PNLDC1: variants seen among roughly 807,000 people sequenced by gnomAD.
The protein encoded by PNLDC1 is PARN like ribonuclease domain containing exonuclease 1.
In PNLDC1, 70 loss-of-function variants were observed where a neutral mutation model predicts 82.0. The observed-to-expected ratio is 0.85, with a 90% CI of 0.70 to 1.04. The LOEUF is 1.04. Among genes scored for constraint, PNLDC1 ranks in the 50% least tolerant of loss-of-function variants. The pLI, the probability that PNLDC1 is intolerant of heterozygous loss-of-function variation, is 0.00. For synonymous variants in PNLDC1, 280 were observed against 249.3 expected (o/e 1.12, Z -1.16); for missense variants, 631 against 661.1 (o/e 0.95, Z 0.50).
At position 159,804,014 on chromosome 6, in the gene PNLDC1, A is replaced by AT. The variant is rs748652819; in HGVS notation, c.302dup (p.Leu101PhefsTer23). ...CTATCTCTTCCCTACAACGTTTGGG[A>AT]TTTTGGACTCAGAATTCTCCTTCCA... On this transcript the variant is annotated frameshift_variant, in exon 5 of 19. Coordinates refer to ENST00000392167, the MANE Select transcript of PNLDC1 (RefSeq NM_001271862.2). LOFTEE classifies it high-confidence loss of function. 3.1e-6 allele frequency: 5 copies of AT among 1,613,564 alleles called. No homozygotes were observed. The Admixed American group carries it at 5.0e-5, about 16-fold the overall frequency.
chr6:159,802,873 G>A (rs945771306), intron 3 of PNLDC1, among the ~76,000 whole-genome samples: 25 of 151,968 alleles, frequency 1.6e-4, no homozygotes, highest in Admixed American at 7.2e-4. Flanking sequence ...ATAAGCCACC[G>A]CACCTGGCCT....
At chr6:159,816,922 C>G (rs572804983) in intron 14 of PNLDC1, among the ~76,000 whole-genome samples, 187 bp from the exon 15 acceptor site, 1 of 152,356 alleles carries the variant, frequency 6.6e-6, no homozygotes, top group South Asian at 2.1e-4. Context: ...GCCTCGGCCT[C>G]CCAAGGTGCT....
intron 11 of PNLDC1, 98 bp downstream of exon 11, chr6:159,811,884 T>G (rs200868595): frequency 6.8e-6 from 6 of 885,584 alleles, no homozygotes; most frequent in Non-Finnish European, 1.0e-5. Context: ...TTTTTTGTTT[T>G]TTTTGTTTTG....
chr6:159,819,933 G>C lies in PNLDC1; in HGVS notation c.1533-521G>C, dbSNP rs114202136. Among the ~76,000 whole-genome samples, 558 of 152,242 alleles carry C rather than the reference G, an allele frequency of 3.7e-3. No individual in the cohort carries two copies. The highest frequency in any genetic ancestry group is 0.013 in the African/African-American group (530 of 41,554). ...GGCTTCTCTCAGGAGAGAGGGAATC[G>C]CGGAAGTTACAGCAAGAAGGTCTAT... On this transcript the variant is annotated intron_variant, in intron 18 of 18. Coordinates refer to ENST00000392167, the MANE Select transcript of PNLDC1 (RefSeq NM_001271862.2). The surrounding 1 kb of genome is among the most constrained non-coding windows in gnomAD (Gnocchi z 4.6).
At chr6:159,805,494 G>GA (rs1293913368) in intron 6 of PNLDC1, 2 of 153,134 alleles carry the variant, frequency 1.3e-5, no homozygotes, top group East Asian at 3.8e-4. Flanking sequence ...TTTTGTAAGG[G>GA]AAAAACAAGT....
chr6:159,809,949 T>C, intron 9 of PNLDC1, 77 bp from the exon 10 acceptor site: 1 of 1,236,442 alleles, frequency 8.1e-7, no homozygotes, highest in Non-Finnish European at 1.2e-6. Flanking sequence ...ACTATATCTT[T>C]TGCAAGAAAC....
At chr6:159,808,516 A>G (rs1394134136) in intron 7 of PNLDC1, among the ~76,000 whole-genome samples, 5 of 142,808 alleles carry the variant, frequency 3.5e-5, no homozygotes, top group Admixed American at 3.0e-4. Context: ...CCAACTTAAG[A>G]GTGGCCCTGA....
chr6:159,810,006 T>C lies in PNLDC1; in HGVS notation c.784-20T>C, dbSNP rs1269622833. 11 of 1,601,114 alleles carry C rather than the reference T, an allele frequency of 6.9e-6. No individual in the cohort carries two copies. Among genetic ancestry groups the C allele is most frequent in the Non-Finnish European group, 9.4e-6 (11 of 1,168,384 alleles). Reference sequence around the variant, plus strand: ...TTACATTTTTTTATTTTCTCTCACCTGTTGATTTACTCCAAGTAGCCCTTA... The same window carrying C: ...TTACATTTTTTTATTTTCTCTCACCCGTTGATTTACTCCAAGTAGCCCTTA... On this transcript the variant is annotated intron_variant, in intron 9 of 18. Transcript: ENST00000392167.
chr6:159,807,748 A>C (rs1435299362), intron 7 of PNLDC1, among the ~76,000 whole-genome samples: 1 of 152,206 alleles, frequency 6.6e-6, no homozygotes, highest in Non-Finnish European at 1.5e-5. Flanking sequence ...GTAGCAGTAC[A>C]ATAAAACTCA....
Position 159,813,653 on chromosome 6 carries a change from A to G in PNLDC1, c.992A>G (p.Asn331Ser). Residue 331 changes from asparagine (N) to serine (S), a missense_variant, in exon 12 of 19, where the codon AAC becomes AGC. Coordinates refer to ENST00000392167, the MANE Select transcript of PNLDC1 (RefSeq NM_001271862.2). ...SNLSEVYEVL[N>S]SDLNPTKNSG... ...CTTTCGGAAGTCTATGAAGTCCTGA[A>G]CAGGTGAGGACGGCGATTCCTGGAG... 6.2e-7 allele frequency: 1 copy of G among 1,613,698 alleles called. No homozygotes were observed. Among genetic ancestry groups the G allele is most frequent in the Non-Finnish European group, 8.5e-7 (1 of 1,179,596 alleles).
chr6:159,808,747 G>A lies in PNLDC1; in HGVS notation c.570G>A (p.Gln190=). 6.2e-7 allele frequency: 1 copy of A among 1,613,682 alleles called. No homozygotes were observed. The highest frequency in any genetic ancestry group is 8.5e-7 in the Non-Finnish European group (1 of 1,179,854). ...TGTGTTTCCCTGCTGCAGGCTTCCA[G>A]GCCTTTGAGGTCCAACTGGTGCTGA... ...WMTLPGITGF[Q]AFEVQLVLRQ... is the part of the protein sequence containing the mutation. Residue 190 remains glutamine, a synonymous_variant, in exon 8 of 19, where the codon CAG becomes CAA. Coordinates refer to ENST00000392167, the MANE Select transcript of PNLDC1 (RefSeq NM_001271862.2).
intron 4 of PNLDC1, 21 bp downstream of exon 4, chr6:159,803,331 C>T (rs373092117): frequency 1.2e-6 from 2 of 1,608,944 alleles, no homozygotes. Context: ...AGAGCTTCTG[C>T]AAACATAGGT....
intron 9 of PNLDC1, among the ~76,000 whole-genome samples, chr6:159,809,780 A>G (rs1028984956): frequency 9.2e-5 from 14 of 152,196 alleles, no homozygotes; most frequent in Admixed American, 9.2e-4. Context: ...GCTTCACAGT[A>G]TAGGTTTCCA....
chr6:159,816,475 T>G (rs1583182622), intron 13 of PNLDC1, 68 bp from the exon 14 acceptor site: 339 of 1,416,716 alleles, frequency 2.4e-4, no homozygotes, highest in Non-Finnish European at 3.0e-4. Flanking sequence ...CTGTGGATGG[T>G]GAGCTAGGAT....
chr6:159,801,572 G>C (rs1348942308), intron 3 of PNLDC1, among the ~76,000 whole-genome samples: 1 of 152,050 alleles, frequency 6.6e-6, no homozygotes, highest in Non-Finnish European at 1.5e-5. Context: ...TCAGCCTCCT[G>C]AGTAAACTGG....
intron 7 of PNLDC1, among the ~76,000 whole-genome samples, chr6:159,808,529 TAAAA>T (rs751817467): frequency 2.8e-4 from 36 of 127,402 alleles, no homozygotes; most frequent in African/African-American, 1.1e-3. Context: ...GGCCCTGAGA[TAAAA>T]AAAAAAAAAA....
At position 159,820,543 on chromosome 6, in the gene PNLDC1, C is replaced by T. The variant is rs375865586; in HGVS notation, c.*26C>T. ...GTGCAGCGAGGCCTCCTGCGGCCAC[C>T]CTCGGGTCCCCATGCTCTCTGGGAG... On this transcript the variant is annotated 3_prime_UTR_variant, in exon 19 of 19. Transcript: ENST00000392167. The T allele has an allele frequency of 9.2e-5, 148 of 1,609,206 alleles. No individual in the cohort carries two copies. The highest frequency in any genetic ancestry group is 1.1e-4 in the Non-Finnish European group (135 of 1,175,934).
intron 10 of PNLDC1, among the ~76,000 whole-genome samples, chr6:159,811,200 A>G (rs925172412): frequency 3.3e-5 from 5 of 152,202 alleles, no homozygotes; most frequent in African/African-American, 1.2e-4. Flanking sequence ...AAGAGATCAC[A>G]GGGTTTTGTT....
intron 10 of PNLDC1, 86 bp downstream of exon 10, chr6:159,810,181 G>A: frequency 7.7e-7 from 1 of 1,293,976 alleles, no homozygotes. Flanking sequence ...CCCTGAGGCA[G>A]CTCCTAAAAT....
Sources: allele counts gnomAD v4.1 joint callset (sites outside exome capture counted in the v4.1 genomes callset), GRCh38; gene constraint gnomAD v4.1.1; non-coding constraint Gnocchi (gnomAD v3.1); transcripts MANE v1.5; gene names NCBI Gene and HGNC (gene_info 2026-07-23, HGNC 2026-07-21).